The following NECTIN4 variants were observed in gnomAD, a reference collection of about 807,000 sequenced individuals.
NECTIN4 encodes the protein nectin-4.
Under a neutral mutation model 51.7 loss-of-function variants are expected in NECTIN4, and 19 were observed. The observed-to-expected ratio is 0.37, with a 90% CI of 0.26 to 0.54. The LOEUF (loss-of-function observed/expected upper bound fraction) is 0.54, where lower values mean the gene tolerates loss of function less well. Among genes scored for constraint, NECTIN4 ranks in the 20% least tolerant of loss-of-function variants. The pLI, the probability that NECTIN4 is intolerant of heterozygous loss-of-function variation, is 0.86. For synonymous variants in NECTIN4, 283 were observed against 286.9 expected (o/e 0.99, Z 0.14); for missense variants, 619 against 662.4 (o/e 0.93, Z 0.72).
chr1:161,075,631 G>A (rs924771647), intron 4 of NECTIN4, among the ~76,000 whole-genome samples: 4 of 152,108 alleles, frequency 2.6e-5, no homozygotes, highest in African/African-American at 9.7e-5. Flanking sequence ...AACTAGCTGG[G>A]CATGCTGGCA....
At chr1:161,076,499 A>C in intron 3 of NECTIN4, 24 bp from the exon 4 acceptor site, 2 of 1,613,438 alleles carry the variant, frequency 1.2e-6, no homozygotes, top group Non-Finnish European at 1.7e-6. Flanking sequence ...TGGGAGGAGA[A>C]AGAATGGGAA....
At chr1:161,086,357 C>T (rs2101679978) in intron 1 of NECTIN4, among the ~76,000 whole-genome samples, 1 of 152,286 alleles carries the variant, frequency 6.6e-6, no homozygotes, top group South Asian at 2.1e-4. Flanking sequence ...TTCTCACCAC[C>T]TCCCTTGCTG....
intron 5 of NECTIN4, 98 bp from the exon 6 acceptor site, chr1:161,074,471 G>T: frequency 1.9e-6 from 3 of 1,590,282 alleles, no homozygotes; most frequent in South Asian, 2.2e-5. Context: ...CCACACCTCA[G>T]TTTGATTCTC....
chr1:161,086,424 G>C (rs12410477), intron 1 of NECTIN4, among the ~76,000 whole-genome samples: 13,475 of 152,244 alleles, frequency 0.089, 856 homozygotes, highest in East Asian at 0.28. Flanking sequence ...TCTGTAAACA[G>C]GAGTAGAAAA....
At chr1:161,076,101 C>T (rs139257574) in intron 4 of NECTIN4, among the ~76,000 whole-genome samples, 126 of 152,178 alleles carry the variant, frequency 8.3e-4, no homozygotes, top group African/African-American at 2.8e-3. Flanking sequence ...AAATAAAAGA[C>T]AAAAAATTTA....
At chr1:161,083,174 C>T (rs575609551) in intron 1 of NECTIN4, among the ~76,000 whole-genome samples, 1 of 152,310 alleles carries the variant, frequency 6.6e-6, no homozygotes, top group South Asian at 2.1e-4. Context: ...AGGAAATTCC[C>T]TTCTGGATAT....
At position 161,072,455 on chromosome 1, in the gene NECTIN4, A is replaced by G; in HGVS notation, c.*206T>C. 1.6e-6 allele frequency: 1 copy of G among 636,998 alleles called. No homozygotes were observed. Among genetic ancestry groups the G allele is most frequent in the Non-Finnish European group, 2.8e-6 (1 of 350,932 alleles). 39.5% of individuals were successfully genotyped at this position (636,998 alleles called of 1,614,324 possible). On this transcript the variant is annotated 3_prime_UTR_variant, in exon 9 of 9. Coordinates refer to ENST00000368012, the MANE Select transcript of NECTIN4 (RefSeq NM_030916.3). ...CTCACACAGGCACACATGCACACACACAGTGACCTGCATGCATGGTGGGAG... is the reference window on the plus strand; with the variant it reads ...CTCACACAGGCACACATGCACACACGCAGTGACCTGCATGCATGGTGGGAG...
Position 161,079,861 on chromosome 1 carries a change from C to T in NECTIN4, c.168G>A (p.Gly56=), listed in dbSNP as rs140488389. ...CTTGCCCCACTTGCTCGCCGGAGTCCCCTCGGTAGAAGCAGGGCAGTTTTG... is the reference window on the plus strand; with the variant it reads ...CTTGCCCCACTTGCTCGCCGGAGTCTCCTCGGTAGAAGCAGGGCAGTTTTG... The part of the protein sequence containing the change: ...QDAKLPCFYR[G]DSGEQVGQVA... Residue 56 remains glycine (G), a synonymous_variant, in exon 2 of 9, where the codon GGG becomes GGA. Coordinates refer to ENST00000368012, the MANE Select transcript of NECTIN4 (RefSeq NM_030916.3). 129 of 1,613,940 alleles carry T rather than the reference C, an allele frequency of 8.0e-5. No individual in the cohort carries two copies. The African/African-American group carries it at 1.6e-3, about 20-fold the overall frequency.
At position 161,077,445 on chromosome 1, in the gene NECTIN4, G is replaced by A; in HGVS notation, c.730+8C>T. On this transcript the variant is annotated splice_region_variant and intron_variant, in intron 3 of 8. Transcript: ENST00000368012. ...TGGGCCTCCCTACCCAAGCATCCAA[G>A]TACTTACAGGACACGTGGAGGATGT... The A allele has an allele frequency of 2.5e-6, 4 of 1,614,034 alleles. No homozygotes were observed. The highest frequency in any genetic ancestry group is 2.5e-6 in the Non-Finnish European group (3 of 1,179,990).
At chr1:161,073,843 C>T (rs889444141) in intron 6 of NECTIN4, 48 bp from the exon 7 acceptor site, 3 of 1,536,654 alleles carry the variant, frequency 2.0e-6, no homozygotes, top group Non-Finnish European at 2.7e-6. Flanking sequence ...TGGCAGCCTC[C>T]CAAGGTGAGC....
Position 161,089,450 on chromosome 1 carries a change from G to T in NECTIN4, c.-154C>A. The T allele has an allele frequency of 1.4e-6, 1 of 695,608 alleles. No homozygotes were observed. The highest frequency in any genetic ancestry group is 2.6e-6 in the Non-Finnish European group (1 of 390,866). 43.1% of individuals were successfully genotyped at this position (695,608 alleles called of 1,614,324 possible). A position where few individuals can be genotyped will look rare whatever the true frequency, so the allele number is the denominator to read the frequency against. On this transcript the variant is annotated 5_prime_UTR_variant, in exon 1 of 9. The change creates a new upstream start codon in the 5' untranslated region. Coordinates refer to ENST00000368012, the MANE Select transcript of NECTIN4 (RefSeq NM_030916.3). This position sits in a 1 kb window ranked among gnomAD's most constrained non-coding sequence, Gnocchi z 4.1. ...GTCTCCACTAGGGGACCCAGCCCCA[G>T]CCCCGGCCCCGTTCTACACACCCAG...
rs753298397 is a variant in NECTIN4, at chr1:161,072,716, C to T, written c.1478G>A (p.Arg493Gln). 6.8e-6 allele frequency: 11 copies of T among 1,614,066 alleles called. No individual in the cohort carries two copies. Among genetic ancestry groups the T allele is most frequent in the South Asian group, 2.2e-5 (2 of 91,090 alleles). ...GATGCCATTGCCCGTGGGCTTGGCC[C>T]GTAGGGTCCCATTCTCCTGAACAAA... ...NHFVQENGTLRAKPTGNGIYI... is the reference protein window; with the variant it reads ...NHFVQENGTLQAKPTGNGIYI... Residue 493 changes from arginine (R) to glutamine (Q), a missense_variant, in exon 9 of 9, where the codon CGG (arginine) becomes CAG (glutamine). Arg to Gln is a conservative substitution (Grantham distance 43). Coordinates refer to ENST00000368012, the MANE Select transcript of NECTIN4 (RefSeq NM_030916.3).
rs550295998 is a variant in NECTIN4, at chr1:161,076,647, G to A, written c.731-172C>T. ...AGCCCCACCCTGCTGACAGCTCCTG[G>A]CCACACTGTTCCCTCCCCTCTCTAA... On this transcript the variant is annotated intron_variant, in intron 3 of 8. Transcript: ENST00000368012. Among the ~76,000 whole-genome samples the A allele has an allele frequency of 3.2e-3, 485 of 152,038 alleles. 3 individuals are homozygous for A. Among genetic ancestry groups the A allele is most frequent in the African/African-American group, 0.011 (442 of 41,440 alleles).
At position 161,077,457 on chromosome 1, in the gene NECTIN4, C is replaced by T. The variant is rs1653462454; in HGVS notation, c.726G>A (p.Val242=). The change falls in exon 3 of 9, where the codon GTG becomes GTA. Residue 242 remains valine, a synonymous_variant. Coordinates refer to ENST00000368012, the MANE Select transcript of NECTIN4 (RefSeq NM_030916.3). ...CCCAAGCATCCAAGTACTTACAGGA[C>T]ACGTGGAGGATGTGGGTGATCCTTT... The part of the protein sequence containing the change: ...QDQRITHILH[V]SFLAEASVRG... The T allele has an allele frequency of 6.2e-7, 1 of 1,614,010 alleles. No homozygotes were observed. Among genetic ancestry groups the T allele is most frequent in the Admixed American group, 1.7e-5 (1 of 60,004 alleles).
rs1266609013 is a variant in NECTIN4, at chr1:161,077,734, A to T, written c.449T>A (p.Leu150Gln). Residue 150 changes from leucine (L) to glutamine (Q), a missense_variant, in exon 3 of 9, where the codon CTG becomes CAG. This residue lies in a region of NECTIN4 where 37 missense variants were observed against 60.3 expected (regional missense o/e 0.61). Coordinates refer to ENST00000368012, the MANE Select transcript of NECTIN4 (RefSeq NM_030916.3). ...TGCTGGACCAGGATTCAGTGAGGGC[A>T]GGGGAGGCACTGCAAATGGGGAAAG... ...RLRLRVLVPP[L>Q]PSLNPGPALE... 1 of 1,608,130 alleles carries T rather than the reference A, an allele frequency of 6.2e-7. No individual in the cohort carries two copies.
chr1:161,079,681 G>A lies in NECTIN4; in HGVS notation c.348C>T (p.Asn116=), dbSNP rs762500186. The A allele has an allele frequency of 3.7e-6, 6 of 1,607,468 alleles. No homozygotes were observed. The highest frequency in any genetic ancestry group is 3.3e-5 in the Admixed American group (2 of 59,980). The change falls in exon 2 of 9, where the codon AAC becomes AAT. Residue 116 remains asparagine, a synonymous_variant. Transcript: ENST00000368012. ...ACTCGCCCTCATCCGCCTGCACTGC[G>A]TTGCGCAGGAGCACTGAGCCGTCCA... ...NPLDGSVLLR[N]AVQADEGEYE...
chr1:161,085,631 G>A (rs949116642), intron 1 of NECTIN4, among the ~76,000 whole-genome samples: 1 of 151,556 alleles, frequency 6.6e-6, no homozygotes, highest in Non-Finnish European at 1.5e-5. Flanking sequence ...GACCTCAGCC[G>A]CCTTCTCCAC....
rs1653223860 is a variant in NECTIN4 at position 161,072,631 on chromosome 1, C to T, written c.*30G>A. 6.3e-7 allele frequency: 1 copy of T among 1,584,750 alleles called. No individual in the cohort carries two copies. Among genetic ancestry groups the T allele is most frequent in the East Asian group, 2.2e-5 (1 of 44,770 alleles). ...AAATCTCCCATGTCAACAGAAGGAGCCAGGCCTAGGGAAGGGAGGCAGGCC... is the reference window on the plus strand; with the variant it reads ...AAATCTCCCATGTCAACAGAAGGAGTCAGGCCTAGGGAAGGGAGGCAGGCC... On this transcript the variant is annotated 3_prime_UTR_variant, in exon 9 of 9. Transcript: ENST00000368012.
At chr1:161,084,416 C>T (rs1169128059) in intron 1 of NECTIN4, 1 of 152,330 alleles carries the variant, frequency 6.6e-6, no homozygotes, top group African/African-American at 2.4e-5. Context: ...GTCTCTCTGT[C>T]TCAGCTGCCC....
Sources: allele counts gnomAD v4.1 joint callset (sites outside exome capture counted in the v4.1 genomes callset), GRCh38; gene constraint gnomAD v4.1.1; regional missense constraint gnomAD v4.1.1; non-coding constraint Gnocchi (gnomAD v3.1); transcripts MANE v1.5; gene names NCBI Gene and HGNC (gene_info 2026-07-23, HGNC 2026-07-21).